ITPR2: variants seen among roughly 807,000 people sequenced by gnomAD.
ITPR2 encodes inositol 1,4,5-trisphosphate-gated calcium channel ITPR2.
In ITPR2, 207 loss-of-function variants were observed where a neutral mutation model predicts 317.1. The observed-to-expected ratio is 0.65, with a 90% confidence interval of 0.58 to 0.73. The LOEUF (loss-of-function observed/expected upper bound fraction) is 0.73. Among genes scored for constraint, ITPR2 ranks in the 30% least tolerant of loss-of-function variants. The pLI, the probability that ITPR2 is intolerant of heterozygous loss-of-function variation, is 0.00. For synonymous variants in ITPR2, 1,156 were observed against 1,149.1 expected, an observed-to-expected ratio of 1.01 and a Z score of -0.12; for missense variants, 2,613 against 3,284.0, an observed-to-expected ratio of 0.80 and a Z score of 4.99.
chr12:26,462,760 C>T (rs1591805617), intron 45 of ITPR2, among the ~76,000 whole-genome samples: 1 of 151,902 alleles, frequency 6.6e-6, no homozygotes. Context: ...CAACCTCCGC[C>T]TCCCGGGTTC....
At chr12:26,620,292 C>G (rs1414524194) in intron 26 of ITPR2, among the ~76,000 whole-genome samples, 1 of 152,198 alleles carries the variant, frequency 6.6e-6, no homozygotes, top group Non-Finnish European at 1.5e-5. Flanking sequence ...CCCAAACTTC[C>G]AAAGCATTTC....
intron 2 of ITPR2, among the ~76,000 whole-genome samples, chr12:26,737,434 T>G (rs1370738592): frequency 6.6e-6 from 1 of 152,094 alleles, no homozygotes; most frequent in Non-Finnish European, 1.5e-5. Flanking sequence ...TTTTGTATTT[T>G]TAGTAGAGAT....
intron 45 of ITPR2, among the ~76,000 whole-genome samples, chr12:26,467,872 T>C (rs1942205205): frequency 1.3e-5 from 2 of 152,196 alleles, no homozygotes; most frequent in Non-Finnish European, 2.9e-5. Flanking sequence ...CGTAAGTGCC[T>C]ATTAGAGGAT....
At chr12:26,469,666 T>C (rs905261654) in intron 45 of ITPR2, among the ~76,000 whole-genome samples, 3 of 152,128 alleles carry the variant, frequency 2.0e-5, no homozygotes, top group Admixed American at 6.6e-5. Flanking sequence ...GCTGATCTGT[T>C]GCGGATCTTC....
chr12:26,676,369 C>T (rs1947907299), intron 13 of ITPR2, among the ~76,000 whole-genome samples: 1 of 150,782 alleles, frequency 6.6e-6, no homozygotes, highest in African/African-American at 2.4e-5. Flanking sequence ...CCCAACTACT[C>T]GGGAGGCTGA....
At chr12:26,627,380 AT>A (rs1440911521) in intron 23 of ITPR2, 1 of 152,236 alleles carries the variant, frequency 6.6e-6, no homozygotes, top group Non-Finnish European at 1.5e-5. Flanking sequence ...CTCAGAGAGA[AT>A]CCTTGTGCCA....
chr12:26,548,720 C>T (rs1591885986), intron 37 of ITPR2, among the ~76,000 whole-genome samples: 1 of 152,224 alleles, frequency 6.6e-6, no homozygotes, highest in South Asian at 2.1e-4. Flanking sequence ...AAAACAGCAG[C>T]CCTGCCTCCA....
chr12:26,344,483 ACAGAT>A (rs1938241234), intron 55 of ITPR2, among the ~76,000 whole-genome samples: 1 of 152,208 alleles, frequency 6.6e-6, no homozygotes, highest in Admixed American at 6.5e-5. Context: ...TGCAACTCTC[ACAGAT>A]AGTGTGTGAG....
chr12:26,600,462 C>T (rs1469574545), intron 28 of ITPR2, among the ~76,000 whole-genome samples: 2 of 151,970 alleles, frequency 1.3e-5, no homozygotes, highest in Admixed American at 6.6e-5. Context: ...TATCTCCACA[C>T]CTCCTCTGTC....
At chr12:26,707,496 T>C (rs1948572630) in intron 9 of ITPR2, among the ~76,000 whole-genome samples, 1 of 152,174 alleles carries the variant, frequency 6.6e-6, no homozygotes, top group Non-Finnish European at 1.5e-5. Context: ...TTGAACGACA[T>C]GACTAATGCT....
chr12:26,727,009 T>C (rs1047844155), intron 2 of ITPR2, among the ~76,000 whole-genome samples: 3 of 152,118 alleles, frequency 2.0e-5, no homozygotes, highest in African/African-American at 7.2e-5. Context: ...TAAGTAAATA[T>C]CTCATAGGTA....
In ITPR2 at chr12:26,686,527, CA is replaced by C; in HGVS notation, c.1101del (p.Phe367LeufsTer3). The C allele has an allele frequency of 6.2e-7, 1 of 1,610,748 alleles. No individual in the cohort carries two copies. On this transcript the variant is annotated frameshift_variant, in exon 11 of 57. Coordinates refer to ENST00000381340, the MANE Select transcript of ITPR2 (RefSeq NM_002223.4). LOFTEE classifies it high-confidence loss of function. ...VPHGNDIASLFELDATTLQRA... is the reference protein window; with the variant it reads ...VPHGNDIASLXELDATTLQRA... The stretch of plus-strand genomic sequence containing the variant: ...CTCTGAAGAGTTGTGGCATCTAGTT[CA>C]AAAAGGGATGCAATGTCATTGCCAT...
At chr12:26,717,024 C>T (rs2137033934) in intron 5 of ITPR2, among the ~76,000 whole-genome samples, 1 of 152,196 alleles carries the variant, frequency 6.6e-6, no homozygotes, top group South Asian at 2.1e-4. Flanking sequence ...GTTATCCTTT[C>T]TTCATGATAA....
At chr12:26,586,705 C>T (rs561892827) in intron 32 of ITPR2, among the ~76,000 whole-genome samples, 6 of 152,098 alleles carry the variant, frequency 3.9e-5, no homozygotes, top group Non-Finnish European at 8.8e-5. Context: ...TATTGAGTGT[C>T]TATTCCATGC....
chr12:26,416,573 T>G (rs997595610), intron 50 of ITPR2, among the ~76,000 whole-genome samples: 3 of 152,164 alleles, frequency 2.0e-5, no homozygotes, highest in African/African-American at 7.2e-5. Flanking sequence ...CCAATTTAAT[T>G]GTAGTCTTGC....
intron 1 of ITPR2, among the ~76,000 whole-genome samples, chr12:26,823,136 G>T (rs1305461515): frequency 6.6e-6 from 1 of 151,980 alleles, no homozygotes; most frequent in African/African-American, 2.4e-5. Context: ...ACTTTCTGTG[G>T]TACTGTTTTA....
intron 34 of ITPR2, among the ~76,000 whole-genome samples, chr12:26,567,979 T>A (rs12305189): frequency 0.049 from 57 of 1,164 alleles, 1 homozygote; most frequent in Non-Finnish European, 0.16. Context: ...TTATATATAT[T>A]ATATATATAT....
intron 32 of ITPR2, among the ~76,000 whole-genome samples, chr12:26,594,877 T>C (rs1945802192): frequency 6.6e-6 from 1 of 152,148 alleles, no homozygotes; most frequent in South Asian, 2.1e-4. Context: ...ATCTAGAAAA[T>C]GCCAACCAGC....
intron 26 of ITPR2, among the ~76,000 whole-genome samples, chr12:26,605,126 A>AAATATATAT (rs1555165395): frequency 1.2e-4 from 17 of 136,324 alleles, no homozygotes; most frequent in African/African-American, 4.2e-4. Context: ...AAAAAATAAA[A>AAATATATAT]ATATATATAT....
Sources: allele counts gnomAD v4.1 joint callset (sites outside exome capture counted in the v4.1 genomes callset), GRCh38; gene constraint gnomAD v4.1.1; transcripts MANE v1.5; gene names NCBI Gene and HGNC (gene_info 2026-07-23, HGNC 2026-07-21).